The following IQGAP2 variants were observed in gnomAD, a reference collection of about 807,000 sequenced individuals.
The protein encoded by IQGAP2 is ras GTPase-activating-like protein IQGAP2.
In IQGAP2, 173 loss-of-function variants were observed where a neutral mutation model predicts 201.3. The ratio of observed to expected loss-of-function variants is 0.86; its 90% CI spans 0.76 to 0.98. The LOEUF is 0.98. IQGAP2 is among the 50% of genes least tolerant of loss of function. IQGAP2 has a pLI of 0.00. For synonymous variants in IQGAP2, 675 were observed against 673.9 expected (o/e 1.00, Z -0.03); for missense variants, 1,687 against 1,864.8 (o/e 0.90, Z 1.76).
intron 17 of IQGAP2, among the ~76,000 whole-genome samples, chr5:76,647,699 C>T (rs911444699): frequency 6.6e-6 from 1 of 152,056 alleles, no homozygotes; most frequent in African/African-American, 2.4e-5. Flanking sequence ...GTATCATCAG[C>T]GTGAAAACTG....
At chr5:76,638,028 T>G (rs1335192775) in intron 16 of IQGAP2, among the ~76,000 whole-genome samples, 1 of 152,242 alleles carries the variant, frequency 6.6e-6, no homozygotes, top group Non-Finnish European at 1.5e-5. Flanking sequence ...AACCAAACTA[T>G]ATAAATAGTA....
In IQGAP2 at chr5:76,411,091, G is replaced by A. The variant is rs546083413; in HGVS notation, c.46+7500G>A. ...AAGGCAGATGCCCAGGCCCCACTCA[G>A]ACCTGCCAAATCAGAAAGCCTGTGA... On this transcript the variant is annotated intron_variant, in intron 1 of 35. Coordinates refer to ENST00000274364, the MANE Select transcript of IQGAP2 (RefSeq NM_006633.5). Among the ~76,000 whole-genome samples the A allele has an allele frequency of 2.0e-5, 3 of 152,308 alleles. No individual in the cohort carries two copies. The East Asian group carries it at 5.8e-4, about 29-fold the overall frequency.
At chr5:76,673,312 T>G in intron 24 of IQGAP2, 137 bp from the exon 25 acceptor site, 1 of 803,476 alleles carries the variant, frequency 1.2e-6, no homozygotes, top group Non-Finnish European at 1.9e-6. Flanking sequence ...CCTCCCCTCA[T>G]TTAGTAAACA....
rs1045053663 is a variant in IQGAP2, at chr5:76,695,157, T to C, written c.3994-297T>C. On this transcript the variant is annotated intron_variant, in intron 31 of 35. Coordinates refer to ENST00000274364, the MANE Select transcript of IQGAP2 (RefSeq NM_006633.5). ...CTATCCAGGAATTGAAATCCTTCCA[T>C]GTGGGGAACAAAGTAGCAGTTATCC... Among the ~76,000 whole-genome samples, 11 of 152,326 alleles carry C rather than the reference T, an allele frequency of 7.2e-5. No homozygotes were observed. In the South Asian group the frequency reaches 1.5e-3, roughly 20 times the overall value.
intron 12 of IQGAP2, among the ~76,000 whole-genome samples, chr5:76,608,343 C>G (rs1451393050): frequency 6.6e-6 from 1 of 152,150 alleles, no homozygotes; most frequent in Non-Finnish European, 1.5e-5. Context: ...AATTTGGGAA[C>G]TTTAATACAG....
intron 17 of IQGAP2, among the ~76,000 whole-genome samples, chr5:76,644,668 A>G (rs1480161874): frequency 1.3e-5 from 2 of 152,134 alleles, no homozygotes; most frequent in Non-Finnish European, 2.9e-5. Flanking sequence ...TTTGCTTATA[A>G]TAAACAGCCT....
At chr5:76,423,340 C>G (rs1022978373) in intron 1 of IQGAP2, among the ~76,000 whole-genome samples, 1 of 152,040 alleles carries the variant, frequency 6.6e-6, no homozygotes, top group Non-Finnish European at 1.5e-5. Context: ...GGTGCTTGGT[C>G]GACCGGGCTT....
At chr5:76,601,812 A>G (rs1277548026) in intron 11 of IQGAP2, among the ~76,000 whole-genome samples, 1 of 152,236 alleles carries the variant, frequency 6.6e-6, no homozygotes, top group Non-Finnish European at 1.5e-5. Context: ...GTATTTGACC[A>G]CTTGTCTATG....
intron 2 of IQGAP2, among the ~76,000 whole-genome samples, chr5:76,531,197 C>T (rs937026661): frequency 2.6e-5 from 4 of 152,144 alleles, no homozygotes; most frequent in Non-Finnish European, 4.4e-5. Flanking sequence ...GAGGAGAACA[C>T]CATGTCCTCG....
chr5:76,568,181 T>A (rs1744881472), intron 3 of IQGAP2, among the ~76,000 whole-genome samples: 1 of 152,210 alleles, frequency 6.6e-6, no homozygotes, highest in South Asian at 2.1e-4. Flanking sequence ...GAAGTCAGCA[T>A]TCTCAGGTAG....
At chr5:76,448,074 C>T (rs1007705260) in intron 1 of IQGAP2, among the ~76,000 whole-genome samples, 1 of 152,136 alleles carries the variant, frequency 6.6e-6, no homozygotes, top group African/African-American at 2.4e-5. Flanking sequence ...GGCTGGTTTG[C>T]ATCTCCTAAG....
At chr5:76,572,981 A>AT (rs986396386) in intron 4 of IQGAP2, among the ~76,000 whole-genome samples, 1 of 152,172 alleles carries the variant, frequency 6.6e-6, no homozygotes, top group Non-Finnish European at 1.5e-5. Context: ...TTGTTCTGCC[A>AT]TTTTTAATCA....
intron 2 of IQGAP2, among the ~76,000 whole-genome samples, chr5:76,544,249 A>G (rs1742959944): frequency 6.6e-6 from 1 of 152,210 alleles, no homozygotes; most frequent in African/African-American, 2.4e-5. Flanking sequence ...AACAATTTTT[A>G]ACATGCCTTC....
At chr5:76,482,981 G>A (rs962937383) in intron 2 of IQGAP2, among the ~76,000 whole-genome samples, 6 of 152,180 alleles carry the variant, frequency 3.9e-5, no homozygotes, top group African/African-American at 2.4e-5. Context: ...GATGTGAAAA[G>A]CAGCCTAAAA....
chr5:76,527,972 G>A (rs1759064667), intron 2 of IQGAP2, among the ~76,000 whole-genome samples: 2 of 152,178 alleles, frequency 1.3e-5, no homozygotes, highest in South Asian at 4.1e-4. Context: ...ACATGCTGAT[G>A]TCATGACATC....
At chr5:76,517,766 A>T (rs1247021987) in intron 2 of IQGAP2, among the ~76,000 whole-genome samples, 1 of 152,106 alleles carries the variant, frequency 6.6e-6, no homozygotes, top group South Asian at 2.1e-4. Flanking sequence ...TTGTTGAATT[A>T]CATCCTTACC....
At chr5:76,452,991 A>G (rs1259494194) in intron 1 of IQGAP2, among the ~76,000 whole-genome samples, 2 of 148,054 alleles carry the variant, frequency 1.4e-5, no homozygotes, top group East Asian at 3.9e-4. Flanking sequence ...GCTCACTGCA[A>G]CCTCCGCCTC....
intron 2 of IQGAP2, among the ~76,000 whole-genome samples, chr5:76,474,464 C>G (rs551371651): frequency 6.6e-6 from 1 of 152,150 alleles, no homozygotes; most frequent in Non-Finnish European, 1.5e-5. Context: ...TGCTGAGAAA[C>G]TTGAACCCAT....
At position 76,623,332 on chromosome 5, in the gene IQGAP2, G is replaced by A. The variant is rs989589149; in HGVS notation, c.1522-4078G>A. The A allele has an allele frequency of 1.3e-5, 19 of 1,409,776 alleles. No individual in the cohort carries two copies. The South Asian group carries it at 1.6e-4, about 12-fold the overall frequency. The allele number at this position is 1,409,776 out of a possible 1,614,324, so 87.3% of individuals were successfully genotyped here. A position where few individuals can be genotyped will look rare whatever the true frequency, so the allele number is the denominator to read the frequency against. On this transcript the variant is annotated intron_variant, in intron 13 of 35. Coordinates refer to ENST00000274364, the MANE Select transcript of IQGAP2 (RefSeq NM_006633.5). ...TGTGTCAGCAGCAAATGGAAGCCTT[G>A]GTCTGTCTGTAGAAGTTTGCTCTCC...
Sources: gnomAD v4.1 joint callset for allele counts (sites outside exome capture counted in the v4.1 genomes callset) on GRCh38, gnomAD v4.1.1 for gene constraint, MANE v1.5 for transcripts, NCBI Gene and HGNC (gene_info 2026-07-23, HGNC 2026-07-21) for gene names.